The following MECR variants were observed in gnomAD, a reference collection of about 807,000 sequenced individuals.
MECR encodes enoyl-[acyl-carrier-protein] reductase, mitochondrial.
MECR carries 37 observed loss-of-function variants against 49.1 expected under a neutral mutation model. That is an observed-to-expected ratio of 0.75 (90% CI 0.58 to 0.99). The LOEUF is 0.99. MECR is among the 50% of genes least tolerant of loss of function. The pLI is 0.00. For missense variants in MECR, 470 were observed against 479.6 expected, an observed-to-expected ratio of 0.98 and a Z score of 0.19; for synonymous variants, 198 against 191.1, an observed-to-expected ratio of 1.04 and a Z score of -0.30.
At chr1:29,217,773 T>C (rs1679849361) in intron 1 of MECR, among the ~76,000 whole-genome samples, 1 of 152,176 alleles carries the variant, frequency 6.6e-6, no homozygotes, top group Non-Finnish European at 1.5e-5. Flanking sequence ...TCCTAACATA[T>C]ACAGGGGAGA....
Position 29,206,782 on chromosome 1 carries a change from T to A in MECR, c.530A>T (p.Asp177Val), listed in dbSNP as rs1299100406. The A allele has an allele frequency of 6.2e-7, 1 of 1,613,942 alleles. No homozygotes were observed. Among genetic ancestry groups the A allele is most frequent in the Non-Finnish European group, 8.5e-7 (1 of 1,179,988 alleles). ...NPCTAYRMLM[D>V]FEQLQPGDSV... The stretch of plus-strand genomic sequence containing the variant: ...CCTACCTGGCTGCAGTTGCTCGAAG[T>A]CCATCAACATCCTGTAGGCTGTGCA... The change falls in exon 4 of 10, where the codon GAC (aspartate) becomes GTC (valine). Residue 177 changes from aspartate to valine, a missense_variant. Coordinates refer to ENST00000263702, the MANE Select transcript of MECR (RefSeq NM_016011.5).
the MECR span, among the ~76,000 whole-genome samples, chr1:29,177,508 A>G: frequency 7.9e-5 from 12 of 152,142 alleles, no homozygotes; most frequent in African/African-American, 2.9e-4. Context: ...TCTTGAACTT[A>G]TGACCTTGGG....
intron 4 of MECR, among the ~76,000 whole-genome samples, chr1:29,205,304 C>A (rs1032370872): frequency 2.0e-5 from 3 of 152,036 alleles, no homozygotes; most frequent in Non-Finnish European, 4.4e-5. Flanking sequence ...CCTGCCTCAG[C>A]CTCCTGAGTA....
At chr1:29,220,210 G>A (rs1168000738) in intron 1 of MECR, among the ~76,000 whole-genome samples, 1 of 145,060 alleles carries the variant, frequency 6.9e-6, no homozygotes, top group African/African-American at 2.6e-5. Context: ...GATCAACATG[G>A]CGAAACCCCG....
chr1:29,209,231 G>A (rs372424141), intron 3 of MECR, among the ~76,000 whole-genome samples: 30 of 152,186 alleles, frequency 2.0e-4, no homozygotes, highest in African/African-American at 6.5e-4. Flanking sequence ...TACTATGTGT[G>A]ATACTCTGCT....
chr1:29,181,502 C>G, the MECR span: 1 of 655,638 alleles, frequency 1.5e-6, no homozygotes, highest in South Asian at 2.4e-5. Context: ...TACCCGCGCC[C>G]CCGAGGCGCC....
chr1:29,173,962 GC>G, the MECR span, among the ~76,000 whole-genome samples: 1 of 151,686 alleles, frequency 6.6e-6, no homozygotes, highest in African/African-American at 2.4e-5. Context: ...GATGAGGTGG[GC>G]GGATCACCTG....
chr1:29,203,517 C>T (rs1348533304), intron 4 of MECR, among the ~76,000 whole-genome samples: 5 of 152,352 alleles, frequency 3.3e-5, no homozygotes, highest in Admixed American at 2.0e-4. Flanking sequence ...TTATAGCCTT[C>T]GTCATCCTCC....
At chr1:29,180,712 C>G in the MECR span, among the ~76,000 whole-genome samples, 5 of 152,264 alleles carry the variant, frequency 3.3e-5, no homozygotes, top group African/African-American at 1.2e-4. Context: ...TACCTAACAT[C>G]TGGTTCCCAG....
rs1385496590 is a variant in MECR at position 29,195,989 on chromosome 1, T to C, written c.916A>G (p.Lys306Glu). ...TGGGACAACCAAAAGCCTCGAAGTTTGAGATCCTTAAAAATGAGCAGGCTC... is the reference window on the plus strand; with the variant it reads ...TGGGACAACCAAAAGCCTCGAAGTTCGAGATCCTTAAAAATGAGCAGGCTC... ...SVSLLIFKDL[K>E]LRGFWLSQWK... The change falls in exon 9 of 10, where the codon AAA becomes GAA. Residue 306 changes from lysine (K) to glutamate (E), a missense_variant. Coordinates refer to ENST00000263702, the MANE Select transcript of MECR (RefSeq NM_016011.5). 2 of 1,614,030 alleles carry C rather than the reference T, an allele frequency of 1.2e-6. No individual in the cohort carries two copies. The highest frequency in any genetic ancestry group is 2.7e-5 in the African/African-American group (2 of 74,928).
rs1383806776 is a variant in MECR at position 29,196,083 on chromosome 1, TC to T, written c.892-71del. Reference sequence around the variant, plus strand: ...TCAGGTACCGCTTAAGGGTACAGACTCCCCTCCAGGAACGGGGCATTGCCTA... The same window carrying T: ...TCAGGTACCGCTTAAGGGTACAGACTCCCTCCAGGAACGGGGCATTGCCTA... On this transcript the variant is annotated intron_variant, in intron 8 of 9. Transcript: ENST00000263702. 3 of 1,595,222 alleles carry T rather than the reference TC, an allele frequency of 1.9e-6. No homozygotes were observed. In the African/African-American group the frequency reaches 4.0e-5, roughly 21 times the overall value.
chr1:29,170,614 G>A, the MECR span: 2 of 152,142 alleles, frequency 1.3e-5, no homozygotes, highest in Non-Finnish European at 2.9e-5. Flanking sequence ...ATTAGTGGAT[G>A]CCACTAATTA....
At chr1:29,189,180 G>A (rs1574210431), downstream of MECR, among the ~76,000 whole-genome samples, 2 of 144,272 alleles carry the variant, frequency 1.4e-5, no homozygotes, top group South Asian at 2.1e-4. Context: ...CAGGTGACCC[G>A]CCTGCCTTGG....
At chr1:29,185,553 T>A in the MECR span, among the ~76,000 whole-genome samples, 2 of 152,094 alleles carry the variant, frequency 1.3e-5, no homozygotes, top group African/African-American at 2.4e-5. Flanking sequence ...GTAGCTGGGA[T>A]TACAGGCATG....
At chr1:29,200,645 G>A in intron 6 of MECR, 56 bp from the exon 7 acceptor site, 1 of 1,499,374 alleles carries the variant, frequency 6.7e-7, no homozygotes, top group Non-Finnish European at 9.3e-7. Flanking sequence ...TATGGGGTCT[G>A]AAGCTTGCCC....
chr1:29,210,691 G>A (rs1677785941), intron 3 of MECR, among the ~76,000 whole-genome samples: 1 of 152,122 alleles, frequency 6.6e-6, no homozygotes, highest in Non-Finnish European at 1.5e-5. Context: ...GGCTTTCAGG[G>A]TTTCAAGTAG....
intron 7 of MECR, 129 bp downstream of exon 7, chr1:29,200,386 GT>G: frequency 1.3e-6 from 1 of 785,578 alleles, no homozygotes; most frequent in Admixed American, 2.9e-5. Flanking sequence ...TTTGGTCCTA[GT>G]TTCCACTCAA....
intron 1 of MECR, among the ~76,000 whole-genome samples, chr1:29,217,511 G>A (rs887741312): frequency 1.3e-5 from 2 of 151,958 alleles, no homozygotes; most frequent in African/African-American, 2.4e-5. Flanking sequence ...CACTGTGCCC[G>A]GTCTTTCAAC....
chr1:29,185,113 C>T, the MECR span, among the ~76,000 whole-genome samples: 60 of 151,994 alleles, frequency 3.9e-4, no homozygotes, highest in Admixed American at 2.4e-3. Context: ...GCAACAAGAG[C>T]GAAACTTTGT....
Sources: gnomAD v4.1 joint callset for allele counts (sites outside exome capture counted in the v4.1 genomes callset) on GRCh38, gnomAD v4.1.1 for gene constraint, MANE v1.5 for transcripts, NCBI Gene and HGNC (gene_info 2026-07-23, HGNC 2026-07-21) for gene names.